DOP1B: variants seen among roughly 807,000 people sequenced by gnomAD.
DOP1B encodes protein DOP1B.
DOP1B carries 174 observed loss-of-function variants against 233.5 expected under a neutral mutation model. The ratio of observed to expected loss-of-function variants is 0.75; its 90% CI spans 0.66 to 0.85. The LOEUF is 0.85. DOP1B is among the 40% of genes least tolerant of loss of function. The pLI, the probability that DOP1B is intolerant of heterozygous loss-of-function variation, is 0.00. For synonymous variants in DOP1B, 1,190 were observed against 1,185.6 expected (o/e 1.00, Z -0.08); for missense variants, 2,652 against 2,846.6 (o/e 0.93, Z 1.56).
At position 36,200,151 on chromosome 21, in the gene DOP1B, A is replaced by G. The variant is rs546860993; in HGVS notation, c.321-180A>G. ...AGCATCTGAACGTGCGGACAGCTTC[A>G]TTGCTGGCTTGTTACGTAACAGTGT... On this transcript the variant is annotated intron_variant, in intron 3 of 36. Transcript: ENST00000691173. 2.9e-4 allele frequency among the ~76,000 whole-genome samples: 44 copies of G among 152,234 alleles called. 1 individual carries two copies. Among genetic ancestry groups the G allele is most frequent in the African/African-American group, 9.9e-4 (41 of 41,548 alleles).
At chr21:36,229,828 AT>A (rs2066738071) in intron 13 of DOP1B, among the ~76,000 whole-genome samples, 1 of 150,848 alleles carries the variant, frequency 6.6e-6, no homozygotes, top group African/African-American at 2.4e-5. Flanking sequence ...TGCCTGGCTA[AT>A]TTTTTGTATT....
intron 13 of DOP1B, among the ~76,000 whole-genome samples, chr21:36,230,156 T>G: frequency 6.6e-6 from 1 of 152,134 alleles, no homozygotes; most frequent in East Asian, 1.9e-4. Context: ...TTAAACAACT[T>G]TTTTGAACTC....
intron 12 of DOP1B, among the ~76,000 whole-genome samples, 178 bp from the exon 13 acceptor site, chr21:36,227,508 C>T (rs2066705995): frequency 6.6e-6 from 1 of 151,670 alleles, no homozygotes; most frequent in South Asian, 2.1e-4. Flanking sequence ...GATCGCGACA[C>T]TGCACTCCAG....
intron 23 of DOP1B, among the ~76,000 whole-genome samples, chr21:36,259,631 G>A (rs572788669): frequency 6.6e-6 from 1 of 152,292 alleles, no homozygotes; most frequent in East Asian, 1.9e-4. Flanking sequence ...AGGGCGGTCT[G>A]TGCTGCTGCA....
At chr21:36,229,229 C>G (rs1414197489) in intron 13 of DOP1B, among the ~76,000 whole-genome samples, 1 of 152,144 alleles carries the variant, frequency 6.6e-6, no homozygotes, top group East Asian at 1.9e-4. Flanking sequence ...TGGGTGGCTT[C>G]CACAACAGAC....
rs144858230 is a variant in DOP1B at position 36,190,491 on chromosome 21, G to A, written c.139-8579G>A. Reference sequence around the variant, plus strand: ...CAGCTCACTGCAACCTCTGCCTCCCGGGTTCAAGTGATCCTCCCACCTCAG... The same window carrying A: ...CAGCTCACTGCAACCTCTGCCTCCCAGGTTCAAGTGATCCTCCCACCTCAG... On this transcript the variant is annotated intron_variant, in intron 2 of 36. Transcript: ENST00000691173. 6.4e-3 allele frequency among the ~76,000 whole-genome samples: 974 copies of A among 151,620 alleles called. 10 individuals carry two copies. Among genetic ancestry groups the A allele is most frequent in the African/African-American group, 0.022 (891 of 41,336 alleles).
Position 36,231,205 on chromosome 21 carries a change from C to T in DOP1B, c.2350+71C>T, listed in dbSNP as rs953675306. ...GAGGCGATTGACGTGGGTGGAATATCCCCTATCCACAATGCTAGGGACCAA... is the reference window on the plus strand; with the variant it reads ...GAGGCGATTGACGTGGGTGGAATATTCCCTATCCACAATGCTAGGGACCAA... On this transcript the variant is annotated intron_variant, in intron 14 of 36. Coordinates refer to ENST00000691173, the MANE Select transcript of DOP1B (RefSeq NM_001320714.2). The T allele has an allele frequency of 8.4e-5, 125 of 1,496,452 alleles. No individual in the cohort carries two copies. In the Middle Eastern group the frequency reaches 1.1e-3, roughly 13 times the overall value. The allele number at this position is 1,496,452 out of a possible 1,614,324, so 92.7% of individuals were successfully genotyped here.
At chr21:36,250,802 A>G (rs947074042) in intron 21 of DOP1B, among the ~76,000 whole-genome samples, 19 of 152,174 alleles carry the variant, frequency 1.2e-4, no homozygotes, top group African/African-American at 4.6e-4. Context: ...CAGTGCTGCA[A>G]AGCCTTGCCC....
intron 27 of DOP1B, among the ~76,000 whole-genome samples, chr21:36,271,551 C>G (rs948383703): frequency 6.6e-5 from 10 of 152,044 alleles, no homozygotes; most frequent in Admixed American, 6.5e-4. Flanking sequence ...GTATTACAGG[C>G]GTGAGCCTCT....
chr21:36,208,994 G>T, intron 5 of DOP1B, 90 bp downstream of exon 5: 1 of 1,334,102 alleles, frequency 7.5e-7, no homozygotes, highest in Non-Finnish European at 9.8e-7. Context: ...AGCTGCAAAG[G>T]GACATCCAGG....
chr21:36,219,648 A>G (rs114993502), intron 10 of DOP1B, among the ~76,000 whole-genome samples, 156 bp downstream of exon 10: 2,779 of 152,276 alleles, frequency 0.018, 39 homozygotes, highest in Non-Finnish European at 0.032. Flanking sequence ...CGTTGAAGTC[A>G]GTCCATGGGA....
intron 7 of DOP1B, 93 bp from the exon 8 acceptor site, chr21:36,213,988 T>C: frequency 9.2e-7 from 1 of 1,085,644 alleles, no homozygotes; most frequent in Non-Finnish European, 1.4e-6. Flanking sequence ...AAGAATGATA[T>C]TTTTAAAAAT....
chr21:36,174,903 A>G (rs1762491429), intron 2 of DOP1B, among the ~76,000 whole-genome samples: 1 of 152,214 alleles, frequency 6.6e-6, no homozygotes, highest in African/African-American at 2.4e-5. Context: ...TTAGTCTGCT[A>G]GGGCTGCCAT....
chr21:36,251,011 A>T, intron 21 of DOP1B, 151 bp from the exon 22 acceptor site: 1 of 1,060,826 alleles, frequency 9.4e-7, no homozygotes. Context: ...CATTGCTGGG[A>T]TCCACCCATC....
rs200401033 is a variant in DOP1B at position 36,230,524 on chromosome 21, G to T, written c.1740G>T (p.Ser580=). The change falls in exon 14 of 37, where the codon TCG becomes TCT. Residue 580 remains serine, a synonymous_variant. Coordinates refer to ENST00000691173, the MANE Select transcript of DOP1B (RefSeq NM_001320714.2). ...TGATTCCCGGTGACGAAGATGCTTC[G>T]TTTCCCCCTCTGAAGTCTGAGGACA... is the stretch of plus-strand genomic sequence containing the variant. The part of the protein sequence containing the change: ...KAVIPGDEDA[S]FPPLKSEDSG... 4 of 1,613,954 alleles carry T rather than the reference G, an allele frequency of 2.5e-6. No homozygotes were observed. In the South Asian group the frequency reaches 4.4e-5, roughly 18 times the overall value.
rs199728378 is a variant in DOP1B at position 36,237,368 on chromosome 21, A to G, written c.2729A>G (p.Asn910Ser). 8.0e-5 allele frequency: 129 copies of G among 1,614,090 alleles called. No homozygotes were observed. Among genetic ancestry groups the G allele is most frequent in the Admixed American group, 1.0e-4 (6 of 59,996 alleles). The change falls in exon 16 of 37, where the codon AAC becomes AGC. Residue 910 changes from asparagine to serine, a missense_variant. By Grantham distance (46) the Asn-to-Ser change is conservative. Coordinates refer to ENST00000691173, the MANE Select transcript of DOP1B (RefSeq NM_001320714.2). ...YRLHCLAPTA[N>S]ICEDIICHAL... The stretch of plus-strand genomic sequence containing the variant: ...CTGCACTGCCTGGCCCCTACGGCCA[A>G]CATCTGCGAGGACATCATCTGCCAT...
At chr21:36,210,471 C>A (rs143892561) in intron 5 of DOP1B, among the ~76,000 whole-genome samples, 2,436 of 152,198 alleles carry the variant, frequency 0.016, 48 homozygotes, top group African/African-American at 0.056. Context: ...ATGGTGAAAC[C>A]CCGTCTCTAC....
chr21:36,239,254 C>T (rs1022158813), intron 17 of DOP1B, among the ~76,000 whole-genome samples: 6 of 152,154 alleles, frequency 3.9e-5, no homozygotes, highest in African/African-American at 1.2e-4. Context: ...TGGCATGCCC[C>T]GGGATCACCT....
At chr21:36,179,397 G>A (rs1023775666) in intron 2 of DOP1B, among the ~76,000 whole-genome samples, 1 of 152,316 alleles carries the variant, frequency 6.6e-6, no homozygotes, top group East Asian at 1.9e-4. Flanking sequence ...ATTTTAATGA[G>A]AGTGTAATAC....
Sources: allele counts gnomAD v4.1 joint callset (sites outside exome capture counted in the v4.1 genomes callset), GRCh38; gene constraint gnomAD v4.1.1; transcripts MANE v1.5; gene names NCBI Gene and HGNC (gene_info 2026-07-23, HGNC 2026-07-21).